The following PREX2 variants were observed in gnomAD, a reference collection of about 807,000 sequenced individuals.
The protein encoded by PREX2 is phosphatidylinositol 3,4,5-trisphosphate-dependent Rac exchanger 2 protein.
In PREX2, 107 loss-of-function variants were observed where a neutral mutation model predicts 203.2. The ratio of observed to expected loss-of-function variants is 0.53; its 90% confidence interval spans 0.45 to 0.62. The LOEUF (loss-of-function observed/expected upper bound fraction) is 0.62, where lower values mean the gene tolerates loss of function less well. Among genes scored for constraint, PREX2 ranks in the 20% least tolerant of loss-of-function variants. The pLI is 0.00. For missense variants in PREX2, 1,777 were observed against 1,955.9 expected (o/e 0.91, Z 1.72); for synonymous variants, 672 against 663.6 (o/e 1.01, Z -0.19).
intron 20 of PREX2, among the ~76,000 whole-genome samples, chr8:68,091,844 G>A (rs1281358898): frequency 6.6e-6 from 1 of 152,064 alleles, no homozygotes; most frequent in Admixed American, 6.6e-5. Flanking sequence ...GTGTTGATCA[G>A]TGAAATAATT....
intron 13 of PREX2, among the ~76,000 whole-genome samples, chr8:68,072,269 A>G (rs151160077): frequency 6.6e-6 from 1 of 152,286 alleles, no homozygotes; most frequent in African/African-American, 2.4e-5. Flanking sequence ...TTTTGGTAAC[A>G]TTGTGAGTCT....
chr8:68,018,434 T>C (rs751008109), intron 2 of PREX2, among the ~76,000 whole-genome samples: 60 of 152,148 alleles, frequency 3.9e-4, no homozygotes, highest in Non-Finnish European at 4.3e-4. Context: ...GCCATTGCAC[T>C]CCAGCCTGGG....
chr8:68,206,783 C>T (rs1812634041), intron 37 of PREX2, among the ~76,000 whole-genome samples: 1 of 152,112 alleles, frequency 6.6e-6, no homozygotes, highest in Admixed American at 6.5e-5. Flanking sequence ...ACTTTGCTAC[C>T]CCAGCCTGGG....
chr8:68,105,486 C>A, intron 23 of PREX2: 1 of 1,151,458 alleles, frequency 8.7e-7, no homozygotes, highest in South Asian at 1.8e-5. Flanking sequence ...GAAAGCCAGT[C>A]CCCCTAGCAA....
At chr8:68,055,434 T>G (rs1808647583) in intron 9 of PREX2, among the ~76,000 whole-genome samples, 1 of 149,416 alleles carries the variant, frequency 6.7e-6, no homozygotes, top group African/African-American at 2.5e-5. Flanking sequence ...TGAGGTAGGC[T>G]GAGTATGCCT....
At chr8:68,111,767 G>A (rs939932115) in intron 25 of PREX2, among the ~76,000 whole-genome samples, 3 of 152,142 alleles carry the variant, frequency 2.0e-5, no homozygotes, top group African/African-American at 7.2e-5. Context: ...TAAGTGCCTG[G>A]ATTCCCCCTT....
intron 18 of PREX2, among the ~76,000 whole-genome samples, chr8:68,085,910 A>G (rs367560097): frequency 6.4e-4 from 98 of 152,342 alleles, no homozygotes; most frequent in African/African-American, 2.3e-3. Context: ...CCATGGCCTG[A>G]AAGTTCTATG....
At chr8:68,160,172 A>G (rs1044630491) in intron 35 of PREX2, among the ~76,000 whole-genome samples, 4 of 152,156 alleles carry the variant, frequency 2.6e-5, no homozygotes, top group Non-Finnish European at 4.4e-5. Flanking sequence ...GTCCAATGGT[A>G]TGATCTCCAA....
intron 4 of PREX2, among the ~76,000 whole-genome samples, chr8:68,026,269 T>C (rs1807712733): frequency 6.6e-6 from 1 of 152,128 alleles, no homozygotes; most frequent in African/African-American, 2.4e-5. Context: ...AAAATTGTTC[T>C]GCTACTATCA....
At chr8:67,979,752 A>T (rs1194386576) in intron 1 of PREX2, among the ~76,000 whole-genome samples, 2 of 152,122 alleles carry the variant, frequency 1.3e-5, no homozygotes, top group Non-Finnish European at 2.9e-5. Context: ...ATTTATCCTT[A>T]CTTCTTTAGT....
chr8:68,016,837 A>T (rs539529600), intron 1 of PREX2, among the ~76,000 whole-genome samples: 1 of 152,286 alleles, frequency 6.6e-6, no homozygotes, highest in South Asian at 2.1e-4. Context: ...GGCTGACCTC[A>T]AACTCCTGGC....
intron 1 of PREX2, among the ~76,000 whole-genome samples, chr8:67,993,429 CA>C (rs1382265176): frequency 7.4e-6 from 1 of 135,922 alleles, no homozygotes; most frequent in Admixed American, 8.0e-5. Flanking sequence ...TTTTTTGAGA[CA>C]GGGTCTCACT....
At chr8:68,003,147 CT>C (rs1394338216) in intron 1 of PREX2, among the ~76,000 whole-genome samples, 3 of 151,986 alleles carry the variant, frequency 2.0e-5, no homozygotes, top group Non-Finnish European at 4.4e-5. Flanking sequence ...AAATCCTAAA[CT>C]TTTATAAGTC....
At chr8:68,095,045 G>A (rs539295179) in intron 21 of PREX2, 47 of 152,370 alleles carry the variant, frequency 3.1e-4, no homozygotes, top group African/African-American at 1.1e-3. Flanking sequence ...GAGATAAATA[G>A]GGCGATGTCT....
rs1270862292 is a variant in PREX2, at chr8:68,222,723, A to ATT, written c.4708-1836_4708-1835insTT. Among the ~76,000 whole-genome samples the ATT allele has an allele frequency of 2.0e-5, 3 of 152,232 alleles. No homozygotes were observed. In the East Asian group the frequency reaches 5.8e-4, roughly 29 times the overall value. On this transcript the variant is annotated intron_variant, in intron 38 of 39. Transcript: ENST00000288368. ...TTATTAACTACCAAAAAAAAAAAAAAAGCAATGAGTAACTTTACAGTTCCA... is the reference window on the plus strand; with the variant it reads ...TTATTAACTACCAAAAAAAAAAAAAATTAGCAATGAGTAACTTTACAGTTCCA...
chr8:68,101,313 G>C (rs549068876), intron 23 of PREX2: 1 of 517,658 alleles, frequency 1.9e-6, no homozygotes, highest in African/African-American at 1.9e-5. Context: ...AGGGAAAAGA[G>C]ATCATGATTT....
rs9298129 is a variant in PREX2, at chr8:68,135,099, T to TTGTGTGTGTGTGTG, written c.3984+836_3984+849dup. Among the ~76,000 whole-genome samples the TTGTGTGTGTGTGTG allele has an allele frequency of 1.8e-3, 274 of 148,904 alleles. 2 individuals carry two copies. Among genetic ancestry groups the TTGTGTGTGTGTGTG allele is most frequent in the South Asian group, 4.3e-3 (20 of 4,614 alleles). ...ACATGTTTGAGCTTAAAAACAAATT[T>TTGTGTGTGTGTGTG]TGTGTGTGTGTGTGTGTGTGTGTGT... On this transcript the variant is annotated intron_variant, in intron 32 of 39. Transcript: ENST00000288368.
chr8:68,019,743 G>A (rs1353222110), intron 3 of PREX2, 72 bp downstream of exon 3: 6 of 1,421,668 alleles, frequency 4.2e-6, no homozygotes, highest in Admixed American at 2.1e-5. Context: ...TGGCATAGTG[G>A]TATGTGTGAA....
intron 1 of PREX2, among the ~76,000 whole-genome samples, chr8:67,999,494 A>AAAAAAAAG: frequency 6.6e-6 from 1 of 150,836 alleles, no homozygotes. Flanking sequence ...AAAAAAAAAA[A>AAAAAAAAG]AGCCCAGAAC....
Sources: allele counts gnomAD v4.1 joint callset (sites outside exome capture counted in the v4.1 genomes callset), GRCh38; gene constraint gnomAD v4.1.1; transcripts MANE v1.5; gene names NCBI Gene and HGNC (gene_info 2026-07-23, HGNC 2026-07-21).